NUP54: variants seen among roughly 807,000 people sequenced by gnomAD.
NUP54 encodes the protein nucleoporin 54, also known as nucleoporin p54.
Under a neutral mutation model 66.4 loss-of-function variants are expected in NUP54, and 27 were observed. The observed-to-expected ratio is 0.41, with a 90% confidence interval of 0.30 to 0.56. The LOEUF (loss-of-function observed/expected upper bound fraction) is 0.56, where lower values mean the gene tolerates loss of function less well. Ranked by LOEUF, NUP54 falls within the 20% of genes least tolerant of loss-of-function variation. NUP54 has a pLI of 0.34. For missense variants in NUP54, 486 were observed against 596.3 expected (o/e 0.82, Z 1.93); for synonymous variants, 206 against 210.7 (o/e 0.98, Z 0.19).
At chr4:76,129,024 T>C (rs58247315) in intron 8 of NUP54, among the ~76,000 whole-genome samples, 20,030 of 152,238 alleles carry the variant, frequency 0.13, 1,544 homozygotes, top group East Asian at 0.35. Flanking sequence ...TATAGCACTA[T>C]AGGTAACTAT....
chr4:76,120,403 A>G (rs1364406663), intron 9 of NUP54, among the ~76,000 whole-genome samples: 1 of 148,444 alleles, frequency 6.7e-6, no homozygotes, highest in Non-Finnish European at 1.5e-5. Flanking sequence ...TCCCAACCGC[A>G]TGAGTGTAAA....
At chr4:76,147,449 C>T (rs1041943867) in intron 1 of NUP54, 2 of 1,280,840 alleles carry the variant, frequency 1.6e-6, no homozygotes, top group Admixed American at 2.3e-5. Context: ...GCTCCCAACA[C>T]TGGTTACACA....
chr4:76,117,532 C>G (rs369339809), intron 11 of NUP54, 132 bp downstream of exon 11: 9 of 604,950 alleles, frequency 1.5e-5, no homozygotes, highest in East Asian at 1.4e-4. Flanking sequence ...TTTACATTCC[C>G]CCAACAGTGC....
In NUP54 at chr4:76,134,314, C is replaced by G; in HGVS notation, c.571G>C (p.Val191Leu). ...TCTTTTTTGTTGAAAACTAAAACCA[C>G]TAGCCCATCTTCATCTTTATTACTG... ...MPSNKDEDGL[V>L]VLVFNKKETE... The change falls in exon 5 of 12, where the codon GTG becomes CTG. Residue 191 changes from valine to leucine, a missense_variant. This residue lies in a region of NUP54 where 217 missense variants were observed against 247.9 expected (regional missense o/e 0.88). Transcript: ENST00000264883. 1 of 1,613,826 alleles carries G rather than the reference C, an allele frequency of 6.2e-7. No homozygotes were observed. The highest frequency in any genetic ancestry group is 1.3e-5 in the African/African-American group (1 of 75,036).
chr4:76,145,174 C>A (rs1052065194), intron 1 of NUP54, among the ~76,000 whole-genome samples: 1 of 151,618 alleles, frequency 6.6e-6, no homozygotes, highest in African/African-American at 2.4e-5. Flanking sequence ...AAAAATTAGC[C>A]GGGCGTGGCG....
At chr4:76,127,268 T>C (rs1283860002) in intron 8 of NUP54, among the ~76,000 whole-genome samples, 1 of 151,782 alleles carries the variant, frequency 6.6e-6, no homozygotes, top group South Asian at 2.1e-4. Context: ...CCATTTCTAC[T>C]AAAAATACAA....
intron 9 of NUP54, among the ~76,000 whole-genome samples, chr4:76,119,173 G>A (rs1730112284): frequency 6.6e-6 from 1 of 151,688 alleles, no homozygotes; most frequent in African/African-American, 2.4e-5. Flanking sequence ...TTTTTTTTGA[G>A]ATTACAAAAG....
intron 1 of NUP54, chr4:76,146,135 A>G (rs1731488802): frequency 2.2e-6 from 1 of 447,812 alleles, no homozygotes; most frequent in Non-Finnish European, 4.5e-6. Context: ...CAGATCTGCA[A>G]GTATACAAAA....
At chr4:76,144,707 T>TC (rs1731412321) in intron 1 of NUP54, among the ~76,000 whole-genome samples, 1 of 152,176 alleles carries the variant, frequency 6.6e-6, no homozygotes, top group East Asian at 1.9e-4. Flanking sequence ...ATGTAATATA[T>TC]ACCCTTCAAT....
Position 76,144,227 on chromosome 4 carries a change from T to C in NUP54, c.217A>G (p.Thr73Ala), listed in dbSNP as rs925476983. The C allele has an allele frequency of 6.2e-7, 1 of 1,613,932 alleles. No homozygotes were observed. The highest frequency in any genetic ancestry group is 8.5e-7 in the Non-Finnish European group (1 of 1,179,844). ...AAACCAGTACCTAAACCAGTACTAGTTCCCGTTGTTGTGCCAAAACCAGTA... is the reference window on the plus strand; with the variant it reads ...AAACCAGTACCTAAACCAGTACTAGCTCCCGTTGTTGTGCCAAAACCAGTA... Reference protein sequence around the residue: ...FGTGFGTTTGTSTGLGTGLGT... With the variant: ...FGTGFGTTTGASTGLGTGLGT... Residue 73 changes from threonine to alanine, a missense_variant, in exon 3 of 12, where the codon ACT (threonine) becomes GCT (alanine). By Grantham distance (58) the Thr-to-Ala change is moderately conservative. This residue lies in a region of NUP54 where 145 missense variants were observed against 137.1 expected (regional missense o/e 1.06). Coordinates refer to ENST00000264883, the MANE Select transcript of NUP54 (RefSeq NM_017426.4).
At chr4:76,118,807 A>C (rs1188311591) in intron 9 of NUP54, among the ~76,000 whole-genome samples, 1 of 151,954 alleles carries the variant, frequency 6.6e-6, no homozygotes, top group Admixed American at 6.5e-5. Flanking sequence ...GATTGAGACC[A>C]TCCTGGCTAA....
rs778776391 is a variant in NUP54 at position 76,118,125 on chromosome 4, C to T, written c.1234G>A (p.Val412Ile). Residue 412 changes from valine to isoleucine, a missense_variant, in exon 10 of 12, where the codon GTT (valine) becomes ATT (isoleucine). Physicochemically the swap from Val to Ile is conservative, Grantham distance 29 (BLOSUM62 3). This residue lies in a region of NUP54 where 83 missense variants were observed against 128.6 expected (regional missense o/e 0.65). Coordinates refer to ENST00000264883, the MANE Select transcript of NUP54 (RefSeq NM_017426.4). Reference protein sequence around the residue: ...AIQADEEQLRVQLDTIQGELN... With the variant: ...AIQADEEQLRIQLDTIQGELN... ...TCACCCTGAATCGTATCCAGCTGAA[C>T]TCGCAACTGCTCTTCATCAGCCTGA... The T allele has an allele frequency of 6.2e-7, 1 of 1,613,858 alleles. No homozygotes were observed. Among genetic ancestry groups the T allele is most frequent in the Non-Finnish European group, 8.5e-7 (1 of 1,179,758 alleles).
chr4:76,131,337 T>C (rs1730794221), intron 6 of NUP54, 53 bp from the exon 7 acceptor site: 4 of 1,107,026 alleles, frequency 3.6e-6, no homozygotes, highest in Admixed American at 4.3e-5. Flanking sequence ...TTTTATAATA[T>C]GTGTATGACA....
chr4:76,116,772 AG>A (rs1193463384), intron 11 of NUP54, among the ~76,000 whole-genome samples: 5 of 152,202 alleles, frequency 3.3e-5, no homozygotes, highest in African/African-American at 1.2e-4. Context: ...GTCTGGAGTA[AG>A]GACTGAAATT....
chr4:76,133,453 C>T (rs1361805413), intron 5 of NUP54, among the ~76,000 whole-genome samples: 3 of 151,914 alleles, frequency 2.0e-5, no homozygotes, highest in Non-Finnish European at 1.5e-5. Flanking sequence ...CTACAGGCAC[C>T]TGCCACCACG....
At chr4:76,128,661 AG>A (rs1366917538) in intron 8 of NUP54, among the ~76,000 whole-genome samples, 1 of 152,222 alleles carries the variant, frequency 6.6e-6, no homozygotes, top group Admixed American at 6.5e-5. Flanking sequence ...GAGTGTCTTG[AG>A]TAAGTGTCCA....
chr4:76,146,742 CATT>C (rs1279569871), intron 1 of NUP54, among the ~76,000 whole-genome samples: 1 of 152,178 alleles, frequency 6.6e-6, no homozygotes, highest in East Asian at 1.9e-4. Context: ...ATGTATATAT[CATT>C]ATTGTTTTGC....
intron 8 of NUP54, 23 bp downstream of exon 8, chr4:76,130,633 G>A (rs1346618548): frequency 6.7e-7 from 1 of 1,500,542 alleles, no homozygotes; most frequent in Non-Finnish European, 9.3e-7. Flanking sequence ...CCAGGGCCAG[G>A]GAATAAAAAG....
rs1389061642 is a variant in NUP54, at chr4:76,114,920, C to G, written c.*446G>C. The G allele has an allele frequency of 6.6e-6, 1 of 152,366 alleles. No homozygotes were observed. The highest frequency in any genetic ancestry group is 1.5e-5 in the Non-Finnish European group (1 of 68,172). 9.4% of individuals were successfully genotyped at this position (152,366 alleles called of 1,614,324 possible). On this transcript the variant is annotated 3_prime_UTR_variant, in exon 12 of 12. Transcript: ENST00000264883. ...ACAGATGAGTTCACAAATACAAAAA[C>G]TGGTGTACATTTATACTCAAGTACA...
Sources: allele counts gnomAD v4.1 joint callset (sites outside exome capture counted in the v4.1 genomes callset), GRCh38; gene constraint gnomAD v4.1.1; regional missense constraint gnomAD v4.1.1; transcripts MANE v1.5; gene names NCBI Gene and HGNC (gene_info 2026-07-23, HGNC 2026-07-21).